The following PTPN13 variants were observed in gnomAD, a reference collection of about 807,000 sequenced individuals.
PTPN13 encodes the protein tyrosine-protein phosphatase non-receptor type 13.
PTPN13 carries 191 observed loss-of-function variants against 284.0 expected under a neutral mutation model. The observed-to-expected ratio is 0.67, with a 90% CI of 0.60 to 0.76. The LOEUF (loss-of-function observed/expected upper bound fraction) is 0.76. Among genes scored for constraint, PTPN13 ranks in the 30% least tolerant of loss-of-function variants. PTPN13 has a pLI of 0.00. For missense variants in PTPN13, 2,797 were observed against 2,939.9 expected, an observed-to-expected ratio of 0.95 and a Z score of 1.12; for synonymous variants, 986 against 1,022.3, an observed-to-expected ratio of 0.96 and a Z score of 0.68.
chr4:86,667,119 A>G (rs182676311), intron 2 of PTPN13, among the ~76,000 whole-genome samples: 402 of 152,310 alleles, frequency 2.6e-3, no homozygotes, highest in Non-Finnish European at 4.8e-3. Flanking sequence ...TTAAACTCCT[A>G]TATCAGTATC....
intron 2 of PTPN13, among the ~76,000 whole-genome samples, chr4:86,665,997 T>G (rs899365952): frequency 6.6e-6 from 1 of 152,174 alleles, no homozygotes; most frequent in African/African-American, 2.4e-5. Context: ...GTCTTTAGTT[T>G]TGGTTTTTGT....
chr4:86,734,774 C>T lies in PTPN13; in HGVS notation c.2050C>T (p.Arg684Ter), dbSNP rs751038826. Residue 684 changes from arginine to a stop codon, truncating the protein, a stop_gained, in exon 14 of 48, where the codon CGA becomes TGA. Transcript: ENST00000411767. LOFTEE classifies it high-confidence loss of function. Reference protein sequence around the residue: ...LTCHQYYLQLRKDILEERMHC... With the variant: ...LTCHQYYLQL The stretch of plus-strand genomic sequence containing the variant: ...GTGTCATCAGTATTACCTTCAGCTT[C>T]GAAAAGATATTTTGGAGGAAAGGAT... 7 of 1,612,970 alleles carry T rather than the reference C, an allele frequency of 4.3e-6. No homozygotes were observed. Among genetic ancestry groups the T allele is most frequent in the Admixed American group, 3.3e-5 (2 of 59,960 alleles).
chr4:86,785,905 A>G lies in PTPN13; in HGVS notation c.6314A>G (p.Asp2105Gly), dbSNP rs781773688. 2.0e-5 allele frequency: 31 copies of G among 1,564,106 alleles called. No homozygotes were observed. The highest frequency in any genetic ancestry group is 2.6e-5 in the Non-Finnish European group (30 of 1,152,402). ...SEERTEDTDC[D>G]GSPLPEYFTE... ...GAGAGAACAGAAGATACAGACTGCG[A>G]TGGTTCACCTTTACCTGAGTATTTT... The change falls in exon 40 of 48, where the codon GAT becomes GGT. Residue 2105 changes from aspartate (D) to glycine (G), a missense_variant. Transcript: ENST00000411767.
intron 10 of PTPN13, among the ~76,000 whole-genome samples, chr4:86,728,031 T>C (rs1024438534): frequency 1.3e-5 from 2 of 149,718 alleles, no homozygotes; most frequent in African/African-American, 4.9e-5. Context: ...TTCTCATTGG[T>C]TTCAAAGAAC....
intron 2 of PTPN13, among the ~76,000 whole-genome samples, chr4:86,658,468 A>G (rs1726107057): frequency 6.6e-6 from 1 of 152,106 alleles, no homozygotes; most frequent in African/African-American, 2.4e-5. Context: ...TGGTTGTTCA[A>G]TTTAGTGTTC....
At chr4:86,650,264 G>A (rs1302790004) in intron 2 of PTPN13, among the ~76,000 whole-genome samples, 1 of 152,120 alleles carries the variant, frequency 6.6e-6, no homozygotes, top group African/African-American at 2.4e-5. Context: ...TGGGATTACA[G>A]GCATGAGCTA....
chr4:86,733,885 T>C (rs1179899922), intron 12 of PTPN13, among the ~76,000 whole-genome samples: 1 of 152,228 alleles, frequency 6.6e-6, no homozygotes, highest in Non-Finnish European at 1.5e-5. Flanking sequence ...AGCTAATATT[T>C]ATTAAATGTT....
chr4:86,733,558 G>A lies in PTPN13; in HGVS notation c.1859-745G>A, dbSNP rs114689507. ...TCAATATAGCTTATTGAATTATTGT[G>A]CCTTAAAAATGAATAATTTATGCTG... On this transcript the variant is annotated intron_variant, in intron 12 of 47. Coordinates refer to ENST00000411767, the MANE Select transcript of PTPN13 (RefSeq NM_080683.3). 5.2e-3 allele frequency among the ~76,000 whole-genome samples: 792 copies of A among 152,000 alleles called. 10 individuals carry two copies. Among genetic ancestry groups the A allele is most frequent in the African/African-American group, 0.018 (741 of 41,472 alleles).
Position 86,769,756 on chromosome 4 carries a change from T to A in PTPN13, c.4490-13T>A, listed in dbSNP as rs1739766339. The A allele has an allele frequency of 6.5e-7, 1 of 1,532,780 alleles. No individual in the cohort carries two copies. Among genetic ancestry groups the A allele is most frequent in the Admixed American group, 1.9e-5 (1 of 52,422 alleles). 94.9% of individuals were successfully genotyped at this position (1,532,780 alleles called of 1,614,324 possible). On this transcript the variant is annotated splice_polypyrimidine_tract_variant and intron_variant, in intron 28 of 47. Transcript: ENST00000411767. ...TAATAATATCTAAATTTTTTTTATA[T>A]CTTTTTCTCCAGAAAATACATTTGA...
intron 2 of PTPN13, among the ~76,000 whole-genome samples, chr4:86,667,760 A>C (rs547291724): frequency 1.3e-5 from 2 of 152,332 alleles, no homozygotes; most frequent in South Asian, 4.1e-4. Flanking sequence ...GGAAGACTAC[A>C]ATTTCTTGTG....
At chr4:86,716,886 T>G in intron 8 of PTPN13, 138 bp from the exon 9 acceptor site, 1 of 648,632 alleles carries the variant, frequency 1.5e-6, no homozygotes, top group Non-Finnish European at 2.6e-6. Flanking sequence ...CAAAAGAGTT[T>G]AATAACATTA....
intron 7 of PTPN13, among the ~76,000 whole-genome samples, chr4:86,712,119 CA>C (rs1472651251): frequency 1.3e-5 from 2 of 151,900 alleles, no homozygotes. Context: ...TTTTGAAAAT[CA>C]CCCGATTAAT....
intron 1 of PTPN13, among the ~76,000 whole-genome samples, chr4:86,625,998 G>A (rs554611593): frequency 6.5e-4 from 99 of 152,242 alleles, no homozygotes; most frequent in Non-Finnish European, 1.3e-3. Context: ...TCTGTAGGTA[G>A]CGAGGAAAGG....
intron 7 of PTPN13, among the ~76,000 whole-genome samples, chr4:86,715,251 T>C (rs942550187): frequency 2.0e-5 from 3 of 152,070 alleles, no homozygotes; most frequent in African/African-American, 7.2e-5. Context: ...TGTGTATATA[T>C]GTGTATATAT....
Position 86,758,729 on chromosome 4 carries a change from T to A in PTPN13, c.3365T>A (p.Phe1122Tyr), listed in dbSNP as rs983741581. 1.2e-6 allele frequency: 2 copies of A among 1,613,714 alleles called. No homozygotes were observed. Among genetic ancestry groups the A allele is most frequent in the African/African-American group, 2.7e-5 (2 of 74,912 alleles). ...EKMGRLDLGI[F>Y]ISSVAPGGPA... ...ATGGGAAGACTGGACCTAGGCATAT[T>A]TATCAGTTCAGTTGCCCCTGGAGGA... The change falls in exon 22 of 48, where the codon TTT (phenylalanine) becomes TAT (tyrosine). Residue 1122 changes from phenylalanine to tyrosine, a missense_variant. Physicochemically the swap from Phe to Tyr is conservative, Grantham distance 22. Coordinates refer to ENST00000411767, the MANE Select transcript of PTPN13 (RefSeq NM_080683.3).
chr4:86,611,136 G>C (rs111228236), intron 1 of PTPN13, among the ~76,000 whole-genome samples: 3 of 151,804 alleles, frequency 2.0e-5, no homozygotes, highest in Non-Finnish European at 4.4e-5. Context: ...CTTCTCCCAC[G>C]ATTATTATTT....
chr4:86,695,199 T>TA (rs1315300710), intron 6 of PTPN13, among the ~76,000 whole-genome samples: 1 of 152,128 alleles, frequency 6.6e-6, no homozygotes, highest in East Asian at 1.9e-4. Flanking sequence ...TTCATTGGTA[T>TA]AGTAATTTAT....
chr4:86,655,567 GC>G (rs1725692534), intron 2 of PTPN13, among the ~76,000 whole-genome samples: 2 of 152,118 alleles, frequency 1.3e-5, no homozygotes, highest in African/African-American at 4.8e-5. Flanking sequence ...TTGAATATTG[GC>G]CCCCACTCTC....
intron 6 of PTPN13, among the ~76,000 whole-genome samples, chr4:86,695,865 A>G (rs1279040268): frequency 6.6e-6 from 1 of 151,998 alleles, no homozygotes; most frequent in East Asian, 1.9e-4. Context: ...TTTTGCAGAC[A>G]GTGTATTTTT....
Sources: gnomAD v4.1 joint callset for allele counts (sites outside exome capture counted in the v4.1 genomes callset) on GRCh38, gnomAD v4.1.1 for gene constraint, MANE v1.5 for transcripts, NCBI Gene and HGNC (gene_info 2026-07-23, HGNC 2026-07-21) for gene names.